The following GRIA3 variants were observed in gnomAD, a reference collection of about 807,000 sequenced individuals.
GRIA3 encodes the protein glutamate receptor 3.
Under a neutral mutation model 63.0 loss-of-function variants are expected in GRIA3, and 3 were observed. The observed-to-expected ratio is 0.05, with a 90% CI of 0.02 to 0.12. The LOEUF (loss-of-function observed/expected upper bound fraction) is 0.12, where lower values mean the gene tolerates loss of function less well. Among genes scored for constraint, GRIA3 ranks in the 10% least tolerant of loss-of-function variants. The pLI, the probability that GRIA3 is intolerant of heterozygous loss-of-function variation, is 1.00. For missense variants in GRIA3, 347 were observed against 700.9 expected, an observed-to-expected ratio of 0.50 and a Z score of 5.70; for synonymous variants, 274 against 257.9, an observed-to-expected ratio of 1.06 and a Z score of -0.60.
intron 12 of GRIA3, among the ~76,000 whole-genome samples, chrX:123,446,227 G>A (rs2045702419): frequency 8.9e-6 from 1 of 112,130 alleles, no homozygotes; most frequent in African/African-American, 3.2e-5. Flanking sequence ...CCTTGATTTT[G>A]AGTTTAAATT....
intron 3 of GRIA3, among the ~76,000 whole-genome samples, chrX:123,323,454 T>C (rs759148425): frequency 2.4e-4 from 27 of 112,466 alleles, no homozygotes; most frequent in Admixed American, 2.4e-3. Context: ...TAAATGTCTG[T>C]GACATAATTC....
chrX:123,199,941 G>A (rs1409144741), intron 2 of GRIA3, among the ~76,000 whole-genome samples: 2 of 111,635 alleles, frequency 1.8e-5, no homozygotes, highest in Admixed American at 1.9e-4. Flanking sequence ...TCATTTTGTG[G>A]ATGAGGAAAA....
At chrX:123,228,987 C>G (rs1165726077) in intron 2 of GRIA3, among the ~76,000 whole-genome samples, 2 of 112,123 alleles carry the variant, frequency 1.8e-5, no homozygotes, top group African/African-American at 6.5e-5. Flanking sequence ...AGGCAACACA[C>G]TTGCTTAATT....
intron 12 of GRIA3, among the ~76,000 whole-genome samples, chrX:123,453,239 T>G (rs932791042): frequency 4.5e-5 from 5 of 111,426 alleles, no homozygotes; most frequent in Non-Finnish European, 9.4e-5. Flanking sequence ...ATGTCCTTTG[T>G]AGGGACATGG....
At chrX:123,455,588 A>G (rs899889938) in intron 12 of GRIA3, among the ~76,000 whole-genome samples, 1 of 111,775 alleles carries the variant, frequency 8.9e-6, no homozygotes, top group Non-Finnish European at 1.9e-5. Flanking sequence ...ATCACTTTAC[A>G]TGGTGAAGTA....
chrX:123,346,810 C>T (rs1227979416), intron 4 of GRIA3, among the ~76,000 whole-genome samples: 1 of 111,592 alleles, frequency 9.0e-6, no homozygotes, highest in Admixed American at 9.5e-5. Flanking sequence ...ATGGTCCAGC[C>T]CCAGAATTGG....
intron 13 of GRIA3, among the ~76,000 whole-genome samples, chrX:123,469,464 C>T (rs1054232068): frequency 2.7e-5 from 3 of 111,789 alleles, no homozygotes; most frequent in African/African-American, 6.5e-5. Context: ...GAGGCAGCCC[C>T]TGAACCATAC....
chrX:123,236,047 G>A (rs961438933), intron 2 of GRIA3, among the ~76,000 whole-genome samples: 3 of 110,775 alleles, frequency 2.7e-5, no homozygotes, highest in Non-Finnish European at 3.8e-5. Context: ...AGTTTTCTCC[G>A]GGCTCAACAG....
intron 2 of GRIA3, among the ~76,000 whole-genome samples, chrX:123,224,561 C>T (rs1365868542): frequency 9.0e-6 from 1 of 111,393 alleles, no homozygotes; most frequent in Non-Finnish European, 1.9e-5. Flanking sequence ...CATTTCCACT[C>T]TGTTTAAAAA....
chrX:123,385,629 T>A (rs926790873), intron 5 of GRIA3, among the ~76,000 whole-genome samples: 1 of 112,480 alleles, frequency 8.9e-6, no homozygotes, highest in East Asian at 2.8e-4. Context: ...GAGCATGGGA[T>A]GTTTTTCCAT....
At chrX:123,254,917 C>T (rs746746577) in intron 3 of GRIA3, among the ~76,000 whole-genome samples, 35 of 111,642 alleles carry the variant, frequency 3.1e-4, no homozygotes, top group Non-Finnish European at 5.5e-4. Flanking sequence ...TGACCAGCTA[C>T]TGACACTTTG....
At chrX:123,278,303 A>C (rs1050416472) in intron 3 of GRIA3, among the ~76,000 whole-genome samples, 6 of 112,429 alleles carry the variant, frequency 5.3e-5, no homozygotes, top group Admixed American at 9.4e-5. Flanking sequence ...TAAGTCATTT[A>C]AAAGAGTCAA....
intron 4 of GRIA3, among the ~76,000 whole-genome samples, chrX:123,347,395 C>T (rs1426987147): frequency 8.9e-6 from 1 of 112,134 alleles, no homozygotes; most frequent in Non-Finnish European, 1.9e-5. Flanking sequence ...CCTGAAAAAT[C>T]AAAGGCCCAA....
chrX:123,427,627 G>C (rs959474269), intron 11 of GRIA3, among the ~76,000 whole-genome samples: 1 of 111,546 alleles, frequency 9.0e-6, no homozygotes, highest in Non-Finnish European at 1.9e-5. Context: ...AAGATAGCTA[G>C]AGCCCAGGAG....
chrX:123,228,131 C>T (rs755439094), intron 2 of GRIA3, among the ~76,000 whole-genome samples: 1 of 111,941 alleles, frequency 8.9e-6, no homozygotes, highest in African/African-American at 3.2e-5. Flanking sequence ...GTTGCGCCAA[C>T]ATTGTTAGCC....
chrX:123,267,111 G>T (rs1254594906), intron 3 of GRIA3, among the ~76,000 whole-genome samples: 1 of 111,766 alleles, frequency 8.9e-6, no homozygotes, highest in East Asian at 2.8e-4. Context: ...TGCCAATAGT[G>T]CCTGGATTAT....
rs1419588206 is a variant in GRIA3, at chrX:123,330,375, C to A, written c.696+4162C>A. On this transcript the variant is annotated intron_variant, in intron 4 of 15. Coordinates refer to ENST00000620443, the MANE Select transcript of GRIA3 (RefSeq NM_007325.5). The stretch of plus-strand genomic sequence containing the variant: ...AGGATAAAACTCAAGTCTTCTGATT[C>A]CTCATACAGTTCTCTTGCCCCTACA... Among the ~76,000 whole-genome samples the A allele has an allele frequency of 6.3e-5, 7 of 111,912 alleles. No homozygotes were observed. In the East Asian group the frequency reaches 2.0e-3, roughly 31 times the overall value.
chrX:123,284,803 T>C (rs2044607694), intron 3 of GRIA3, among the ~76,000 whole-genome samples: 1 of 111,334 alleles, frequency 9.0e-6, no homozygotes, highest in Admixed American at 9.5e-5. Flanking sequence ...ACAGGGAGAA[T>C]GGAACCAAGT....
chrX:123,389,808 C>T (rs776390159), intron 5 of GRIA3, among the ~76,000 whole-genome samples: 25 of 110,967 alleles, frequency 2.3e-4, no homozygotes, highest in Non-Finnish European at 4.3e-4. Context: ...CCTGGGTTCG[C>T]CATTCTCCTG....
Sources: allele counts gnomAD v4.1 joint callset (sites outside exome capture counted in the v4.1 genomes callset), GRCh38; gene constraint gnomAD v4.1.1; transcripts MANE v1.5; gene names NCBI Gene and HGNC (gene_info 2026-07-23, HGNC 2026-07-21).